RSF1: variants seen among roughly 807,000 people sequenced by gnomAD.
The protein encoded by RSF1 is remodeling and spacing factor 1.
A neutral mutation model predicts 145.2 loss-of-function variants in RSF1; 13 were observed. The observed-to-expected ratio is 0.09, with a 90% CI of 0.06 to 0.14. The LOEUF is 0.14. RSF1 is among the 10% of genes least tolerant of loss of function. The pLI is 1.00. For synonymous variants in RSF1, 577 were observed against 592.6 expected (o/e 0.97, Z 0.38); for missense variants, 1,517 against 1,718.2 (o/e 0.88, Z 2.07).
rs191839611 is a variant in RSF1 at position 77,732,031 on chromosome 11, G to A, written c.579-6332C>T. Among the ~76,000 whole-genome samples the A allele has an allele frequency of 2.5e-3, 377 of 152,308 alleles. 5 individuals are homozygous for A. Among genetic ancestry groups the A allele is most frequent in the South Asian group, 0.015 (70 of 4,826 alleles). On this transcript the variant is annotated intron_variant, in intron 4 of 15. Transcript: ENST00000308488. ...GGTAGATCCACTGATAGCTTGCACC[G>A]TGTGCTTGGAAAAGCCGCAGATACT...
chr11:77,663,653 G>C lies in RSF1; in HGVS notation c.*3264C>G, dbSNP rs564319041. ...GATGTACATTCTTGAAAATATCTCTGCCATCATTTTGCAGTAATGTGCCAA... is the reference window on the plus strand; with the variant it reads ...GATGTACATTCTTGAAAATATCTCTCCCATCATTTTGCAGTAATGTGCCAA... On this transcript the variant is annotated 3_prime_UTR_variant, in exon 16 of 16. Coordinates refer to ENST00000308488, the MANE Select transcript of RSF1 (RefSeq NM_016578.4). 1 of 152,184 alleles carries C rather than the reference G, an allele frequency of 6.6e-6. No individual in the cohort carries two copies. Among genetic ancestry groups the C allele is most frequent in the South Asian group, 2.1e-4 (1 of 4,826 alleles). 9.4% of individuals were successfully genotyped at this position (152,184 alleles called of 1,614,324 possible). A position where few individuals can be genotyped will look rare whatever the true frequency, so the allele number is the denominator to read the frequency against.
intron 1 of RSF1, among the ~76,000 whole-genome samples, chr11:77,796,793 T>G (rs1590892527): frequency 6.6e-6 from 1 of 152,244 alleles, no homozygotes; most frequent in Non-Finnish European, 1.5e-5. Context: ...CTTAAGCTAA[T>G]AAGCAACTTC....
chr11:77,798,569 G>A (rs533442430), intron 1 of RSF1, among the ~76,000 whole-genome samples: 13 of 95,464 alleles, frequency 1.4e-4, no homozygotes, highest in Middle Eastern at 0.012. Context: ...TGACAGGAAC[G>A]AGACTCCATC....
chr11:77,713,093 T>A (rs1294726869), intron 5 of RSF1, among the ~76,000 whole-genome samples: 1 of 152,226 alleles, frequency 6.6e-6, no homozygotes, highest in Non-Finnish European at 1.5e-5. Context: ...GGGGTGTCAC[T>A]GCTCTTAGAT....
At chr11:77,734,504 T>A in intron 4 of RSF1, 1 of 1,588,966 alleles carries the variant, frequency 6.3e-7, no homozygotes, top group South Asian at 1.1e-5. Context: ...TCTCCCAGGG[T>A]GTGCTTGTCA....
chr11:77,690,197 A>C (rs1352963784), intron 9 of RSF1, among the ~76,000 whole-genome samples: 1 of 151,624 alleles, frequency 6.6e-6, no homozygotes, highest in Non-Finnish European at 1.5e-5. Flanking sequence ...ACCTTCTCCA[A>C]CTGCTTAAGA....
intron 1 of RSF1, among the ~76,000 whole-genome samples, chr11:77,771,922 C>G (rs1948289708): frequency 6.6e-6 from 1 of 152,078 alleles, no homozygotes; most frequent in Non-Finnish European, 1.5e-5. Flanking sequence ...GGAAAGTACC[C>G]TGAAGGAAAA....
chr11:77,833,543 C>T, the RSF1 span, among the ~76,000 whole-genome samples: 16 of 152,176 alleles, frequency 1.1e-4, no homozygotes, highest in Non-Finnish European at 2.1e-4. Flanking sequence ...AAGTATCGCT[C>T]ACTCACCTGC....
intron 1 of RSF1, among the ~76,000 whole-genome samples, chr11:77,793,244 C>T (rs1222627512): frequency 6.6e-6 from 1 of 152,124 alleles, no homozygotes. Context: ...CTTTAAGAGG[C>T]CAAGGTGAGA....
At chr11:77,704,753 G>GTT (rs72141127) in intron 5 of RSF1, among the ~76,000 whole-genome samples, 3,005 of 134,456 alleles carry the variant, frequency 0.022, 133 homozygotes, top group African/African-American at 0.076. Flanking sequence ...GTTTGCCTTG[G>GTT]TTTTTTTTTT....
the RSF1 span, among the ~76,000 whole-genome samples, chr11:77,863,166 C>A: frequency 6.6e-6 from 1 of 152,096 alleles, no homozygotes; most frequent in Non-Finnish European, 1.5e-5. Context: ...GGAAGAGAAC[C>A]GTGGAACCCA....
intron 1 of RSF1, among the ~76,000 whole-genome samples, chr11:77,780,801 G>A (rs556242517): frequency 6.8e-6 from 1 of 146,662 alleles, no homozygotes; most frequent in Non-Finnish European, 1.5e-5. Context: ...CTACAGCCTG[G>A]GTGACAGAGC....
chr11:77,803,521 G>GT (rs1324519251), intron 1 of RSF1, among the ~76,000 whole-genome samples: 2 of 148,784 alleles, frequency 1.3e-5, no homozygotes, highest in Non-Finnish European at 3.0e-5. Flanking sequence ...GCTCATGCCT[G>GT]TAATCCCAGC....
chr11:77,730,073 A>G (rs77351563), intron 4 of RSF1, among the ~76,000 whole-genome samples: 1,991 of 152,190 alleles, frequency 0.013, 41 homozygotes, highest in African/African-American at 0.046. Context: ...TATAATTCCA[A>G]TATAACCCAA....
At chr11:77,767,295 C>G (rs574671505) in intron 1 of RSF1, among the ~76,000 whole-genome samples, 4 of 152,196 alleles carry the variant, frequency 2.6e-5, no homozygotes, top group Admixed American at 2.0e-4. Context: ...CCTCCTATTT[C>G]CTCCTTTCCC....
At chr11:77,805,391 A>C (rs1948667454) in intron 1 of RSF1, among the ~76,000 whole-genome samples, 1 of 152,036 alleles carries the variant, frequency 6.6e-6, no homozygotes, top group African/African-American at 2.4e-5. Context: ...CAATGAGCCA[A>C]GATCACACCA....
chr11:77,748,215 T>G (rs1248086967), intron 2 of RSF1, among the ~76,000 whole-genome samples: 2 of 132,756 alleles, frequency 1.5e-5, no homozygotes, highest in African/African-American at 5.3e-5. Context: ...TAATAGAGGA[T>G]CTTTTTTTTT....
rs561531967 is a variant in RSF1 at position 77,662,367 on chromosome 11, C to T, written c.*4550G>A. On this transcript the variant is annotated 3_prime_UTR_variant, in exon 16 of 16. Coordinates refer to ENST00000308488, the MANE Select transcript of RSF1 (RefSeq NM_016578.4). ...AAAAAAGGTCCACAAATTGGATCCT[C>T]TTCTAATCGACTTCCAGGAGGGTTT... The T allele has an allele frequency of 6.6e-6, 1 of 152,192 alleles. No individual in the cohort carries two copies. The highest frequency in any genetic ancestry group is 6.5e-5 in the Admixed American group (1 of 15,280). The allele number at this position is 152,192 out of a possible 1,614,324, so 9.4% of individuals were successfully genotyped here.
intron 2 of RSF1, among the ~76,000 whole-genome samples, chr11:77,748,128 G>A (rs929487317): frequency 6.6e-6 from 1 of 151,530 alleles, no homozygotes; most frequent in Non-Finnish European, 1.5e-5. Context: ...TCTTTTCATC[G>A]ATTTGTGCAA....
Sources: allele counts gnomAD v4.1 joint callset (sites outside exome capture counted in the v4.1 genomes callset), GRCh38; gene constraint gnomAD v4.1.1; transcripts MANE v1.5; gene names NCBI Gene and HGNC (gene_info 2026-07-23, HGNC 2026-07-21).